GTF2F2: variants seen among roughly 807,000 people sequenced by gnomAD.
The protein encoded by GTF2F2 is general transcription factor IIF subunit 2.
In GTF2F2, 23 loss-of-function variants were observed where a neutral mutation model predicts 42.2. The observed-to-expected ratio is 0.55, with a 90% confidence interval of 0.39 to 0.77. The LOEUF (loss-of-function observed/expected upper bound fraction) is 0.77, where lower values mean the gene tolerates loss of function less well. Ranked by LOEUF, GTF2F2 falls within the 30% of genes least tolerant of loss-of-function variation. The pLI is 0.00. For missense variants in GTF2F2, 261 were observed against 287.2 expected, an observed-to-expected ratio of 0.91 and a Z score of 0.66; for synonymous variants, 105 against 100.8, an observed-to-expected ratio of 1.04 and a Z score of -0.25.
chr13:45,131,855 A>T (rs1457556235), intron 1 of GTF2F2, among the ~76,000 whole-genome samples: 1 of 150,094 alleles, frequency 6.7e-6, no homozygotes, highest in African/African-American at 2.5e-5. Flanking sequence ...CAGTGAGCCA[A>T]AATTGTAAAT....
At chr13:45,236,538 A>G (rs1874999689) in intron 5 of GTF2F2, among the ~76,000 whole-genome samples, 1 of 149,646 alleles carries the variant, frequency 6.7e-6, no homozygotes, top group Non-Finnish European at 1.5e-5. Context: ...CAAGTTTATG[A>G]GGCTCAGTGT....
At position 45,267,221 on chromosome 13, in the gene GTF2F2, G is replaced by A. The variant is rs1876599930; in HGVS notation, c.487-12G>A. 2 of 1,604,672 alleles carry A rather than the reference G, an allele frequency of 1.2e-6. No individual in the cohort carries two copies. The highest frequency in any genetic ancestry group is 1.1e-5 in the South Asian group (1 of 90,406). On this transcript the variant is annotated splice_polypyrimidine_tract_variant and intron_variant, in intron 6 of 7. Coordinates refer to ENST00000340473, the MANE Select transcript of GTF2F2 (RefSeq NM_004128.3). ...AATTGATGCTTTTATTTCCTTTGCT[G>A]TTTGCATATAGATCGAATATGAAAG...
At chr13:45,190,133 A>G (rs1872565522) in intron 4 of GTF2F2, among the ~76,000 whole-genome samples, 1 of 152,242 alleles carries the variant, frequency 6.6e-6, no homozygotes, top group Non-Finnish European at 1.5e-5. Flanking sequence ...CAGAATCTCC[A>G]AAGAACTTAA....
chr13:45,264,313 A>C (rs1489405224), intron 6 of GTF2F2, among the ~76,000 whole-genome samples: 1 of 150,396 alleles, frequency 6.6e-6, no homozygotes, highest in Non-Finnish European at 1.5e-5. Context: ...AGACAGAGTC[A>C]CTCTGTTGCT....
intron 5 of GTF2F2, among the ~76,000 whole-genome samples, chr13:45,232,477 T>G (rs1054977435): frequency 2.6e-5 from 4 of 151,804 alleles, no homozygotes; most frequent in African/African-American, 7.3e-5. Context: ...AAATAAAATT[T>G]TTTTTAAATT....
intron 4 of GTF2F2, among the ~76,000 whole-genome samples, chr13:45,180,417 A>G (rs1337125151): frequency 6.6e-6 from 1 of 152,102 alleles, no homozygotes; most frequent in African/African-American, 2.4e-5. Context: ...TTAGACAGTT[A>G]TAATTTTGTC....
At chr13:45,215,521 A>G (rs1435282791) in intron 5 of GTF2F2, among the ~76,000 whole-genome samples, 2 of 152,176 alleles carry the variant, frequency 1.3e-5, no homozygotes, top group Non-Finnish European at 2.9e-5. Flanking sequence ...GGACTTTGGG[A>G]GGCTGAGGCG....
chr13:45,246,034 G>C (rs1184052383), intron 5 of GTF2F2, among the ~76,000 whole-genome samples: 1 of 58 alleles, frequency 0.017, no homozygotes, highest in Non-Finnish European at 0.042. Context: ...TTTTGAGACG[G>C]AGCTCGCTCT....
intron 4 of GTF2F2, 28 bp downstream of exon 4, chr13:45,151,859 G>C: frequency 2.0e-6 from 2 of 978,332 alleles, no homozygotes; most frequent in Non-Finnish European, 2.8e-6. Context: ...TATTTAATGT[G>C]ATTCCTGTAC....
intron 7 of GTF2F2, among the ~76,000 whole-genome samples, chr13:45,276,996 T>A (rs1456880592): frequency 1.3e-5 from 2 of 152,080 alleles, no homozygotes; most frequent in Non-Finnish European, 2.9e-5. Flanking sequence ...TCATCACCCA[T>A]CTGTGTGCTG....
chr13:45,177,937 G>A (rs1871963840), intron 4 of GTF2F2, among the ~76,000 whole-genome samples: 1 of 152,036 alleles, frequency 6.6e-6, no homozygotes, highest in Admixed American at 6.5e-5. Context: ...TAAGGGTAAT[G>A]TCTTTTTATT....
At chr13:45,184,929 C>T (rs1299676065) in intron 4 of GTF2F2, among the ~76,000 whole-genome samples, 6 of 152,124 alleles carry the variant, frequency 3.9e-5, no homozygotes, top group Admixed American at 1.3e-4. Flanking sequence ...TTCCCACCTC[C>T]GCCTCCTGAG....
At chr13:45,220,140 G>A (rs1874048728) in intron 5 of GTF2F2, among the ~76,000 whole-genome samples, 1 of 152,170 alleles carries the variant, frequency 6.6e-6, no homozygotes, top group Admixed American at 6.5e-5. Context: ...GGAATGAAAA[G>A]CATGTGATTT....
chr13:45,230,648 T>C (rs1874628134), intron 5 of GTF2F2, among the ~76,000 whole-genome samples: 1 of 152,242 alleles, frequency 6.6e-6, no homozygotes, highest in Non-Finnish European at 1.5e-5. Context: ...TGCTTATATA[T>C]TGTCCATTTT....
chr13:45,242,905 G>A lies in GTF2F2; in HGVS notation c.387-9966G>A, dbSNP rs116862740. On this transcript the variant is annotated intron_variant, in intron 5 of 7. Transcript: ENST00000340473. ...GCCAGCAGTTTAGATTGAGAGTTTG[G>A]CATTTTTTCGTTTAGTTAGGTCTTA... Among the ~76,000 whole-genome samples, 168 of 152,230 alleles carry A rather than the reference G, an allele frequency of 1.1e-3. 3 individuals are homozygous for A. The East Asian group carries it at 0.022, about 20-fold the overall frequency.
At chr13:45,264,807 C>T (rs1447203222) in intron 6 of GTF2F2, among the ~76,000 whole-genome samples, 3 of 152,154 alleles carry the variant, frequency 2.0e-5, no homozygotes, top group Non-Finnish European at 2.9e-5. Context: ...CTAGAATGTG[C>T]GCCCTCTGTA....
intron 5 of GTF2F2, among the ~76,000 whole-genome samples, chr13:45,250,618 G>A (rs537827642): frequency 1.8e-4 from 28 of 152,258 alleles, no homozygotes; most frequent in Admixed American, 1.7e-3. Flanking sequence ...ACAGCAAGAG[G>A]CTCCTTCCAG....
chr13:45,225,212 TAAC>T (rs1874280509), intron 5 of GTF2F2, among the ~76,000 whole-genome samples: 2 of 152,200 alleles, frequency 1.3e-5, no homozygotes, highest in Admixed American at 1.3e-4. Flanking sequence ...AAAGAATTCT[TAAC>T]AAGGAGGTAC....
At chr13:45,235,171 A>C (rs1179919134) in intron 5 of GTF2F2, among the ~76,000 whole-genome samples, 1 of 151,962 alleles carries the variant, frequency 6.6e-6, no homozygotes. Flanking sequence ...ACACTTTGTC[A>C]ATATGGTAAA....
Sources: allele counts gnomAD v4.1 joint callset (sites outside exome capture counted in the v4.1 genomes callset), GRCh38; gene constraint gnomAD v4.1.1; transcripts MANE v1.5; gene names NCBI Gene and HGNC (gene_info 2026-07-23, HGNC 2026-07-21).